Variants in PPP1R9A observed in about 807,000 individuals in gnomAD.
The protein encoded by PPP1R9A is neurabin-1.
A neutral mutation model predicts 141.9 loss-of-function variants in PPP1R9A; 59 were observed. That is an observed-to-expected ratio of 0.42 (90% confidence interval 0.34 to 0.52). The LOEUF (loss-of-function observed/expected upper bound fraction) is 0.52. Among genes scored for constraint, PPP1R9A ranks in the 20% least tolerant of loss-of-function variants. The pLI is 0.10. For synonymous variants in PPP1R9A, 500 were observed against 569.7 expected (o/e 0.88, Z 1.74); for missense variants, 1,444 against 1,611.9 (o/e 0.90, Z 1.78).
At chr7:94,949,871 C>T (rs1796273291) in intron 2 of PPP1R9A, among the ~76,000 whole-genome samples, 2 of 149,296 alleles carry the variant, frequency 1.3e-5, no homozygotes, top group African/African-American at 4.9e-5. Context: ...GTTCATGCTT[C>T]AAAATGACAT....
In PPP1R9A at chr7:95,078,137, C is replaced by T. The variant is rs549706529; in HGVS notation, c.1396-33122C>T. Among the ~76,000 whole-genome samples, 128 of 118,496 alleles carry T rather than the reference C, an allele frequency of 1.1e-3. 3 individuals carry two copies. The highest frequency in any genetic ancestry group is 1.6e-3 in the Non-Finnish European group (92 of 58,934). The allele number at this position is 118,496 out of a possible 152,430, so 77.7% of individuals were successfully genotyped here. On this transcript the variant is annotated intron_variant, in intron 2 of 19. Transcript: ENST00000433360. ...TAAAGCTATCCCTCCCCCCTCCCCC[C>T]ACCCCACATCAGTCCCCAGAGTGTG... is the stretch of plus-strand genomic sequence containing the variant.
intron 2 of PPP1R9A, among the ~76,000 whole-genome samples, chr7:95,011,803 T>C (rs1804457709): frequency 6.6e-6 from 1 of 152,136 alleles, no homozygotes; most frequent in Admixed American, 6.6e-5. Flanking sequence ...TTTTAGGGCA[T>C]GAAAAGTTGA....
At chr7:95,002,910 T>G (rs1803134670) in intron 2 of PPP1R9A, among the ~76,000 whole-genome samples, 1 of 152,114 alleles carries the variant, frequency 6.6e-6, no homozygotes, top group Non-Finnish European at 1.5e-5. Flanking sequence ...CCAGCCTCAT[T>G]ACTCCTTGGA....
At chr7:95,098,824 C>G (rs1245461016) in intron 2 of PPP1R9A, among the ~76,000 whole-genome samples, 1 of 152,132 alleles carries the variant, frequency 6.6e-6, no homozygotes, top group African/African-American at 2.4e-5. Flanking sequence ...TACTCTTTAC[C>G]CCACTCTCCC....
chr7:95,022,478 C>G (rs946111147), intron 2 of PPP1R9A, among the ~76,000 whole-genome samples: 1 of 152,088 alleles, frequency 6.6e-6, no homozygotes, highest in African/African-American at 2.4e-5. Flanking sequence ...ATTTCTTTCT[C>G]TTGCCTGACT....
At chr7:94,931,636 T>TGGTGCAACCTCGGCTC (rs1445061215) in intron 2 of PPP1R9A, among the ~76,000 whole-genome samples, 6 of 152,334 alleles carry the variant, frequency 3.9e-5, no homozygotes, top group African/African-American at 1.4e-4. Flanking sequence ...TGGAGTACAA[T>TGGTGCAACCTCGGCTC]GGTGCAACCT....
intron 2 of PPP1R9A, among the ~76,000 whole-genome samples, chr7:94,948,671 A>G (rs1368360228): frequency 2.6e-5 from 4 of 152,172 alleles, no homozygotes; most frequent in African/African-American, 4.8e-5. Flanking sequence ...AGTCCCAAGC[A>G]TAATTTTGAA....
intron 2 of PPP1R9A, among the ~76,000 whole-genome samples, chr7:94,958,087 T>C (rs532007889): frequency 6.6e-6 from 1 of 152,200 alleles, no homozygotes; most frequent in South Asian, 2.1e-4. Flanking sequence ...CTTTGTATTT[T>C]GTGTGCAAAA....
chr7:95,146,829 G>A (rs1293694462), intron 4 of PPP1R9A, among the ~76,000 whole-genome samples: 1 of 152,106 alleles, frequency 6.6e-6, no homozygotes, highest in Non-Finnish European at 1.5e-5. Context: ...TTGTTTCTGA[G>A]GCCTCTGTTG....
chr7:95,067,279 C>T (rs985889343), intron 2 of PPP1R9A, among the ~76,000 whole-genome samples: 1 of 152,046 alleles, frequency 6.6e-6, no homozygotes, highest in African/African-American at 2.4e-5. Flanking sequence ...AAGGGAATTC[C>T]CACAATGACT....
intron 5 of PPP1R9A, among the ~76,000 whole-genome samples, chr7:95,190,123 C>T (rs534674961): frequency 6.6e-6 from 1 of 152,268 alleles, no homozygotes; most frequent in East Asian, 1.9e-4. Context: ...ACCAGAATTA[C>T]TTTTCCGATT....
intron 2 of PPP1R9A, among the ~76,000 whole-genome samples, chr7:95,052,223 C>T (rs1276533629): frequency 1.3e-5 from 2 of 152,040 alleles, no homozygotes; most frequent in East Asian, 1.9e-4. Flanking sequence ...AGGGAGACTA[C>T]GAACTGGCTT....
At chr7:94,935,916 A>G (rs1030930638) in intron 2 of PPP1R9A, among the ~76,000 whole-genome samples, 6 of 152,180 alleles carry the variant, frequency 3.9e-5, no homozygotes, top group African/African-American at 1.4e-4. Flanking sequence ...TTTCTGTCTC[A>G]TGATAACCAT....
chr7:95,274,739 G>T (rs1802847551), intron 16 of PPP1R9A, among the ~76,000 whole-genome samples: 1 of 152,108 alleles, frequency 6.6e-6, no homozygotes, highest in Non-Finnish European at 1.5e-5. Context: ...TTTCCCAGTT[G>T]TTTTCTGAGA....
chr7:95,169,549 G>A (rs750753706), intron 5 of PPP1R9A, among the ~76,000 whole-genome samples: 7 of 151,896 alleles, frequency 4.6e-5, no homozygotes, highest in African/African-American at 9.7e-5. Flanking sequence ...TTCCCAGCAC[G>A]TAGAAATGAT....
rs1227859876 is a variant in PPP1R9A, at chr7:95,198,362, C to A, written c.1768C>A (p.Arg590=). ...TKGNVRFVIG[R]EKPGQVSEVA... ...ACCTTTCCACAGATTTGTTATTGGG[C>A]GGGAAAAACCAGGACAAGTGAGCGA... The change falls in exon 6 of 20, where the codon CGG becomes AGG. Residue 590 remains arginine (R), a synonymous_variant. Coordinates refer to ENST00000433360, the MANE Select transcript of PPP1R9A (RefSeq NM_001166160.2). 1.2e-6 allele frequency: 2 copies of A among 1,605,318 alleles called. No homozygotes were observed. The highest frequency in any genetic ancestry group is 1.7e-6 in the Non-Finnish European group (2 of 1,177,076).
intron 2 of PPP1R9A, among the ~76,000 whole-genome samples, chr7:95,029,354 A>G (rs1807334163): frequency 6.6e-6 from 1 of 152,208 alleles, no homozygotes; most frequent in Non-Finnish European, 1.5e-5. Flanking sequence ...TGGAACTGTA[A>G]GCAAGTTTTG....
intron 9 of PPP1R9A, among the ~76,000 whole-genome samples, chr7:95,248,593 T>C (rs1798459091): frequency 6.6e-6 from 1 of 152,198 alleles, no homozygotes; most frequent in African/African-American, 2.4e-5. Flanking sequence ...TCTCTTGACA[T>C]AGAAAGAATT....
chr7:95,201,589 CTCTG>C (rs1431813794), intron 6 of PPP1R9A, among the ~76,000 whole-genome samples: 3 of 152,116 alleles, frequency 2.0e-5, no homozygotes, highest in African/African-American at 4.8e-5. Flanking sequence ...TCTATTTACT[CTCTG>C]TCTTTCTTTG....
Sources: gnomAD v4.1 joint callset for allele counts (sites outside exome capture counted in the v4.1 genomes callset) on GRCh38, gnomAD v4.1.1 for gene constraint, MANE v1.5 for transcripts, NCBI Gene and HGNC (gene_info 2026-07-23, HGNC 2026-07-21) for gene names.